CPSF3: variants seen among roughly 807,000 people sequenced by gnomAD.
CPSF3 encodes the protein cleavage and polyadenylation specific factor 3, also known as cleavage and polyadenylation specificity factor subunit 3.
CPSF3 carries 57 observed loss-of-function variants against 84.1 expected under a neutral mutation model. The ratio of observed to expected loss-of-function variants is 0.68; its 90% CI spans 0.55 to 0.85. CPSF3 has a LOEUF of 0.85. CPSF3 is among the 40% of genes least tolerant of loss of function. The pLI is 0.00. For synonymous variants in CPSF3, 275 were observed against 278.1 expected (o/e 0.99, Z 0.11); for missense variants, 522 against 838.8 (o/e 0.62, Z 4.66).
In CPSF3 at chr2:9,440,595, A is replaced by G. The variant is rs1680934777; in HGVS notation, c.865A>G (p.Met289Val). The G allele has an allele frequency of 1.2e-6, 2 of 1,614,244 alleles. No individual in the cohort carries two copies. Among genetic ancestry groups the G allele is most frequent in the Non-Finnish European group, 1.7e-6 (2 of 1,180,040 alleles). Reference sequence around the variant, plus strand: ...AGTGTACCAGACATATGTAAATGCCATGAATGACAAAATCCGCAAACAGAT... The same window carrying G: ...AGTGTACCAGACATATGTAAATGCCGTGAATGACAAAATCCGCAAACAGAT... ...MAVYQTYVNA[M>V]NDKIRKQINI... is the part of the protein sequence containing the mutation. The change falls in exon 8 of 18, where the codon ATG (methionine) becomes GTG (valine). Residue 289 changes from methionine (M) to valine (V), a missense_variant. Physicochemically the swap from Met to Val is conservative, Grantham distance 21. Coordinates refer to ENST00000238112, the MANE Select transcript of CPSF3 (RefSeq NM_016207.4).
At position 9,441,805 on chromosome 2, in the gene CPSF3, T is replaced by G; in HGVS notation, c.937-13T>G. The G allele has an allele frequency of 6.2e-7, 1 of 1,612,892 alleles. No homozygotes were observed. The highest frequency in any genetic ancestry group is 2.2e-5 in the East Asian group (1 of 44,874). ...TAGCTAACATACTTTTCCCATTCTG[T>G]TTTCTCTCTTAGAGCATGGATCATT... On this transcript the variant is annotated splice_polypyrimidine_tract_variant and intron_variant, in intron 8 of 17. Coordinates refer to ENST00000238112, the MANE Select transcript of CPSF3 (RefSeq NM_016207.4).
chr2:9,462,537 C>T lies in CPSF3; in HGVS notation c.1786+2919C>T, dbSNP rs535714654. 1.4e-4 allele frequency among the ~76,000 whole-genome samples: 22 copies of T among 152,216 alleles called. No individual in the cohort carries two copies. The South Asian group carries it at 4.4e-3, about 30-fold the overall frequency. On this transcript the variant is annotated intron_variant, in intron 15 of 17. Coordinates refer to ENST00000238112, the MANE Select transcript of CPSF3 (RefSeq NM_016207.4). Reference sequence around the variant, plus strand: ...ATGTCATCTGCTGTTCTGATGAGGGCTCTGCCTAGCGGTGATGCTGAAAAA... The same window carrying T: ...ATGTCATCTGCTGTTCTGATGAGGGTTCTGCCTAGCGGTGATGCTGAAAAA...
At position 9,457,215 on chromosome 2, in the gene CPSF3, T is replaced by C. The variant is rs561864586; in HGVS notation, c.1698+188T>C. On this transcript the variant is annotated intron_variant, in intron 14 of 17. Coordinates refer to ENST00000238112, the MANE Select transcript of CPSF3 (RefSeq NM_016207.4). ...TGGTTTTAAGGATCAGCATTAAGTA[T>C]AATTAAGTAGCTGAGCATTTTCTAT... Among the ~76,000 whole-genome samples, 125 of 151,090 alleles carry C rather than the reference T, an allele frequency of 8.3e-4. 1 individual carries two copies. Among genetic ancestry groups the C allele is most frequent in the Non-Finnish European group, 1.9e-4 (13 of 67,688 alleles).
intron 3 of CPSF3, 83 bp downstream of exon 3, chr2:9,430,103 T>C: frequency 1.2e-6 from 1 of 866,268 alleles, no homozygotes; most frequent in Non-Finnish European, 1.8e-6. Flanking sequence ...GAGAGTTTGG[T>C]TTTTTAAAAG....
Position 9,440,610 on chromosome 2 carries a change from C to T in CPSF3, c.880C>T (p.Arg294Cys), listed in dbSNP as rs1035362399. Residue 294 changes from arginine (R) to cysteine (C), a missense_variant, in exon 8 of 18, where the codon CGC becomes TGC. This residue lies in a region of CPSF3 where 329 missense variants were observed against 607.2 expected (regional missense o/e 0.54). Transcript: ENST00000238112. ...TYVNAMNDKI[R>C]KQININNPFV... ...TGTAAATGCCATGAATGACAAAATC[C>T]GCAAACAGATCAACATCAATAATCC... 7.4e-6 allele frequency: 12 copies of T among 1,613,978 alleles called. No individual in the cohort carries two copies. The highest frequency in any genetic ancestry group is 2.2e-5 in the East Asian group (1 of 44,884).
chr2:9,437,863 G>A (rs771599699), intron 7 of CPSF3, among the ~76,000 whole-genome samples: 1 of 152,186 alleles, frequency 6.6e-6, no homozygotes, highest in Admixed American at 6.5e-5. Context: ...TTAGCTGGAC[G>A]TGGTGATACA....
chr2:9,428,624 G>A (rs536601476), intron 1 of CPSF3, 141 bp from the exon 2 acceptor site: 3 of 615,150 alleles, frequency 4.9e-6, no homozygotes, highest in East Asian at 5.6e-5. Flanking sequence ...TGATTTTGTA[G>A]AACTCTCTTA....
intron 11 of CPSF3, among the ~76,000 whole-genome samples, chr2:9,451,313 T>G (rs1012330822): frequency 6.6e-6 from 1 of 152,200 alleles, no homozygotes; most frequent in Admixed American, 6.5e-5. Context: ...GGAAATACTG[T>G]GAAATACAAC....
intron 1 of CPSF3, among the ~76,000 whole-genome samples, chr2:9,428,494 C>T (rs1011693026): frequency 2.0e-5 from 3 of 152,152 alleles, no homozygotes; most frequent in African/African-American, 7.2e-5. Context: ...AAGCCCAAAC[C>T]TTTGGGCTTC....
chr2:9,439,551 A>G (rs1680901796), intron 7 of CPSF3, among the ~76,000 whole-genome samples: 1 of 152,098 alleles, frequency 6.6e-6, no homozygotes, highest in African/African-American at 2.4e-5. Context: ...AGAGGCACCT[A>G]TTAGAATAAA....
chr2:9,443,404 C>A, intron 9 of CPSF3, 111 bp from the exon 10 acceptor site: 1 of 1,010,884 alleles, frequency 9.9e-7, no homozygotes, highest in Non-Finnish European at 1.4e-6. Flanking sequence ...TGATTTTGTG[C>A]GTAAGGTCCT....
At chr2:9,451,440 A>C (rs1681325748) in intron 11 of CPSF3, among the ~76,000 whole-genome samples, 1 of 152,052 alleles carries the variant, frequency 6.6e-6, no homozygotes, top group Admixed American at 6.6e-5. Context: ...GAGCTCATTT[A>C]TTTGCAGTTG....
chr2:9,442,476 A>T (rs1015296613), intron 9 of CPSF3, among the ~76,000 whole-genome samples: 4 of 152,190 alleles, frequency 2.6e-5, no homozygotes, highest in African/African-American at 7.2e-5. Context: ...TTTTATTTTT[A>T]AAAATATGAT....
intron 16 of CPSF3, among the ~76,000 whole-genome samples, chr2:9,469,795 A>C (rs1248786162): frequency 6.6e-6 from 1 of 152,214 alleles, no homozygotes; most frequent in Non-Finnish European, 1.5e-5. Context: ...CTATTTCCCC[A>C]GTTGTTTAAA....
intron 6 of CPSF3, among the ~76,000 whole-genome samples, 190 bp downstream of exon 6, chr2:9,434,150 G>A (rs529060048): frequency 6.6e-6 from 1 of 152,118 alleles, no homozygotes; most frequent in South Asian, 2.1e-4. Context: ...GGAGGCTGAG[G>A]TGGGCAGATC....
Position 9,455,641 on chromosome 2 carries a change from T to G in CPSF3, c.1505-18T>G. ...TAGGACTAGTATTTCTTCAAGTCTC[T>G]TCTCATTTTCTCTTCAGATTATACT... On this transcript the variant is annotated intron_variant, in intron 12 of 17. Transcript: ENST00000238112. The G allele has an allele frequency of 6.3e-7, 1 of 1,581,060 alleles. No individual in the cohort carries two copies. Among genetic ancestry groups the G allele is most frequent in the Non-Finnish European group, 8.7e-7 (1 of 1,153,178 alleles).
intron 12 of CPSF3, among the ~76,000 whole-genome samples, chr2:9,454,533 T>C (rs1681448871): frequency 6.7e-6 from 1 of 148,972 alleles, no homozygotes; most frequent in Non-Finnish European, 1.5e-5. Flanking sequence ...AGTGAGCTCT[T>C]ATACTCTTTT....
chr2:9,440,991 T>C (rs1424157200), intron 8 of CPSF3, among the ~76,000 whole-genome samples: 2 of 152,238 alleles, frequency 1.3e-5, no homozygotes, highest in Non-Finnish European at 2.9e-5. Flanking sequence ...CTTTTTCTGC[T>C]TCAACAGATT....
At chr2:9,459,174 AGC>A (rs1681637968) in intron 14 of CPSF3, among the ~76,000 whole-genome samples, 1 of 152,130 alleles carries the variant, frequency 6.6e-6, no homozygotes, top group Non-Finnish European at 1.5e-5. Context: ...ACTAAATATA[AGC>A]ATTAGGAATT....
Sources: allele counts gnomAD v4.1 joint callset (sites outside exome capture counted in the v4.1 genomes callset), GRCh38; gene constraint gnomAD v4.1.1; regional missense constraint gnomAD v4.1.1; transcripts MANE v1.5; gene names NCBI Gene and HGNC (gene_info 2026-07-23, HGNC 2026-07-21).